The following WDR27 variants were observed in gnomAD, a reference collection of about 807,000 sequenced individuals.
WDR27 encodes WD repeat domain 27.
In WDR27, 100 loss-of-function variants were observed where a neutral mutation model predicts 114.4. That is an observed-to-expected ratio of 0.87 (90% confidence interval 0.74 to 1.03). WDR27 has a LOEUF of 1.03. WDR27 is among the 50% of genes least tolerant of loss of function. WDR27 has a pLI of 0.00. For missense variants in WDR27, 1,129 were observed against 1,092.9 expected (o/e 1.03, Z -0.47); for synonymous variants, 449 against 423.1 (o/e 1.06, Z -0.75).
intron 6 of WDR27, chr6:169,666,349 T>TAACAATA (rs1336519320): frequency 1.0e-6 from 1 of 972,024 alleles, no homozygotes; most frequent in East Asian, 1.1e-4. Flanking sequence ...TGAGAAGATA[T>TAACAATA]AACAATAACT....
chr6:169,579,643 A>G (rs1475932628), intron 24 of WDR27, among the ~76,000 whole-genome samples: 1 of 152,244 alleles, frequency 6.6e-6, no homozygotes, highest in Non-Finnish European at 1.5e-5. Context: ...ATGCATGGAA[A>G]CAACCCAGAA....
intron 21 of WDR27, among the ~76,000 whole-genome samples, chr6:169,631,783 A>G (rs1816466709): frequency 6.6e-6 from 1 of 152,194 alleles, no homozygotes; most frequent in African/African-American, 2.4e-5. Flanking sequence ...ATCTGCTTCA[A>G]TGTAATTTAA....
At chr6:169,655,450 G>A (rs906649573) in intron 13 of WDR27, among the ~76,000 whole-genome samples, 1 of 152,220 alleles carries the variant, frequency 6.6e-6, no homozygotes, top group African/African-American at 2.4e-5. Context: ...TGAATAAATC[G>A]TGGGTACATA....
chr6:169,494,767 T>A (rs1006273264), intron 25 of WDR27, among the ~76,000 whole-genome samples: 1 of 152,190 alleles, frequency 6.6e-6, no homozygotes, highest in Non-Finnish European at 1.5e-5. Flanking sequence ...CTGGCATTAA[T>A]GAATTTTTTA....
chr6:169,615,020 T>C (rs1286656623), intron 21 of WDR27, among the ~76,000 whole-genome samples: 1 of 151,932 alleles, frequency 6.6e-6, no homozygotes, highest in Admixed American at 6.6e-5. Context: ...TTAAAAAATG[T>C]GTTCAATCCA....
chr6:169,665,868 C>A (rs1827712434), intron 6 of WDR27, among the ~76,000 whole-genome samples: 1 of 152,208 alleles, frequency 6.6e-6, no homozygotes, highest in Admixed American at 6.5e-5. Context: ...GGGCTTAAAC[C>A]ACGGCCCAGC....
In WDR27 at chr6:169,658,273, G is replaced by A. The variant is rs1233766898; in HGVS notation, c.1402+3C>T. The A allele has an allele frequency of 1.9e-6, 3 of 1,595,578 alleles. No individual in the cohort carries two copies. The highest frequency in any genetic ancestry group is 2.6e-6 in the Non-Finnish European group (3 of 1,170,976). ...CTTAGATCTCACAGCACCCTGTACTGACCACGTCGCTGTTCACTAGCAGCC... is the reference window on the plus strand; with the variant it reads ...CTTAGATCTCACAGCACCCTGTACTAACCACGTCGCTGTTCACTAGCAGCC... On this transcript the variant is annotated splice_donor_region_variant and intron_variant, in intron 13 of 25. Transcript: ENST00000448612.
At chr6:169,431,996 C>T in the WDR27 span, among the ~76,000 whole-genome samples, 1 of 152,262 alleles carries the variant, frequency 6.6e-6, no homozygotes, top group African/African-American at 2.4e-5. Flanking sequence ...TCCTCCACTT[C>T]CTACACGTCC....
chr6:169,475,085 G>A (rs930637694), intron 25 of WDR27, among the ~76,000 whole-genome samples: 3 of 152,124 alleles, frequency 2.0e-5, no homozygotes, highest in Non-Finnish European at 4.4e-5. Flanking sequence ...CTTTGTCATG[G>A]TGTCCTTCAT....
chr6:169,595,148 C>G (rs1584462298), intron 23 of WDR27, among the ~76,000 whole-genome samples: 1 of 152,218 alleles, frequency 6.6e-6, no homozygotes, highest in African/African-American at 2.4e-5. Flanking sequence ...CCTGGGCTAA[C>G]AGAGCAAGAC....
intron 25 of WDR27, among the ~76,000 whole-genome samples, chr6:169,459,615 G>T (rs1264717591): frequency 6.6e-6 from 1 of 151,510 alleles, no homozygotes; most frequent in African/African-American, 2.4e-5. Flanking sequence ...CAACTAAGAG[G>T]AACTCAAAAA....
intron 1 of WDR27, among the ~76,000 whole-genome samples, chr6:169,698,728 TCACAGCCCGTG>T (rs776738767): frequency 6.6e-6 from 1 of 152,178 alleles, no homozygotes; most frequent in Non-Finnish European, 1.5e-5. Context: ...CTTGGTCCTG[TCACAGCCCGTG>T]CACAGCCCTT....
chr6:169,492,141 A>C (rs1342902720), intron 25 of WDR27, among the ~76,000 whole-genome samples: 4 of 152,112 alleles, frequency 2.6e-5, no homozygotes, highest in Admixed American at 2.0e-4. Flanking sequence ...AGATCAAATA[A>C]AAATAAGAAA....
chr6:169,616,846 A>G (rs1000822777), intron 21 of WDR27, among the ~76,000 whole-genome samples: 1 of 152,190 alleles, frequency 6.6e-6, no homozygotes, highest in African/African-American at 2.4e-5. Context: ...AGATGACCAA[A>G]AATTAACTCA....
intron 23 of WDR27, among the ~76,000 whole-genome samples, chr6:169,590,727 T>G (rs1320458808): frequency 6.6e-6 from 1 of 152,218 alleles, no homozygotes; most frequent in Non-Finnish European, 1.5e-5. Context: ...CTCTGGCACT[T>G]CCTCTTGTAA....
the WDR27 span, among the ~76,000 whole-genome samples, chr6:169,448,138 A>G: frequency 6.6e-6 from 1 of 152,298 alleles, no homozygotes; most frequent in South Asian, 2.1e-4. Context: ...TCCTGACCTC[A>G]GGTGATCTGC....
chr6:169,628,843 C>T (rs1171158017), intron 21 of WDR27, among the ~76,000 whole-genome samples: 1 of 152,170 alleles, frequency 6.6e-6, no homozygotes, highest in Non-Finnish European at 1.5e-5. Context: ...TGCATTTATC[C>T]CTAAAACTCA....
intron 25 of WDR27, among the ~76,000 whole-genome samples, chr6:169,522,562 C>T (rs1211444489): frequency 1.3e-5 from 2 of 151,936 alleles, no homozygotes; most frequent in Admixed American, 1.3e-4. Flanking sequence ...CAGATCATAT[C>T]ATAGAACACA....
Position 169,667,203 on chromosome 6 carries a change from G to A in WDR27, c.661-16C>T. 2.0e-6 allele frequency: 3 copies of A among 1,502,180 alleles called. No homozygotes were observed. The highest frequency in any genetic ancestry group is 2.8e-5 in the African/African-American group (2 of 71,064). The allele number at this position is 1,502,180 out of a possible 1,614,324, so 93.1% of individuals were successfully genotyped here. A position where few individuals can be genotyped will look rare whatever the true frequency, so the allele number is the denominator to read the frequency against. Reference sequence around the variant, plus strand: ...GGTCCCAGACCTTTGGATAAACACAGGATTCTTTAGAAGAGGTAACAACGT... The same window carrying A: ...GGTCCCAGACCTTTGGATAAACACAAGATTCTTTAGAAGAGGTAACAACGT... On this transcript the variant is annotated splice_polypyrimidine_tract_variant and intron_variant, in intron 5 of 25. Coordinates refer to ENST00000448612, the MANE Select transcript of WDR27 (RefSeq NM_182552.5).
Sources: gnomAD v4.1 joint callset for allele counts (sites outside exome capture counted in the v4.1 genomes callset) on GRCh38, gnomAD v4.1.1 for gene constraint, MANE v1.5 for transcripts, NCBI Gene and HGNC (gene_info 2026-07-23, HGNC 2026-07-21) for gene names.